Variants in FAM91A1 observed in about 807,000 individuals in gnomAD.
FAM91A1 encodes protein FAM91A1.
Under a neutral mutation model 113.5 loss-of-function variants are expected in FAM91A1, and 41 were observed. The ratio of observed to expected loss-of-function variants is 0.36; its 90% confidence interval spans 0.28 to 0.47. The LOEUF is 0.47. FAM91A1 is among the 20% of genes least tolerant of loss of function. The pLI is 1.00. For synonymous variants in FAM91A1, 307 were observed against 347.9 expected, an observed-to-expected ratio of 0.88 and a Z score of 1.31; for missense variants, 696 against 1,001.2, an observed-to-expected ratio of 0.70 and a Z score of 4.11.
At chr8:123,793,847 G>T (rs977860364) in intron 15 of FAM91A1, among the ~76,000 whole-genome samples, 14 of 152,172 alleles carry the variant, frequency 9.2e-5, no homozygotes, top group Non-Finnish European at 1.6e-4. Flanking sequence ...GGAGGATATA[G>T]CTACCTTGCT....
Position 123,784,596 on chromosome 8 carries a change from A to C in FAM91A1, c.810+20A>C. 2.7e-4 allele frequency: 410 copies of C among 1,503,632 alleles called. No individual in the cohort carries two copies. The highest frequency in any genetic ancestry group is 3.4e-4 in the Non-Finnish European group (371 of 1,096,114). The allele number at this position is 1,503,632 out of a possible 1,614,324, so 93.1% of individuals were successfully genotyped here. A position where few individuals can be genotyped will look rare whatever the true frequency, so the allele number is the denominator to read the frequency against. ...GCAGAGGTAAGTTTGACAACGTCTCATGAAAATATAATCTCAAGATTGTAA... is the reference window on the plus strand; with the variant it reads ...GCAGAGGTAAGTTTGACAACGTCTCCTGAAAATATAATCTCAAGATTGTAA... On this transcript the variant is annotated intron_variant, in intron 9 of 23. Transcript: ENST00000334705.
chr8:123,808,932 G>A lies in FAM91A1; in HGVS notation c.2177G>A (p.Cys726Tyr), dbSNP rs1815880409. 6.2e-7 allele frequency: 1 copy of A among 1,612,312 alleles called. No individual in the cohort carries two copies. Among genetic ancestry groups the A allele is most frequent in the Non-Finnish European group, 8.5e-7 (1 of 1,179,280 alleles). ...GCAGATTGGGTTCCTCTCGAGCTGT[G>A]CTTTGGAATTCCACTGTTCAGTTCC... ...TEADWVPLEL[C>Y]FGIPLFSSEL... Residue 726 changes from cysteine to tyrosine, a missense_variant, in exon 22 of 24, where the codon TGC (cysteine) becomes TAC (tyrosine). Transcript: ENST00000334705.
chr8:123,790,039 A>T (rs1272913490), intron 15 of FAM91A1, among the ~76,000 whole-genome samples: 3 of 152,222 alleles, frequency 2.0e-5, no homozygotes, highest in Admixed American at 6.5e-5. Context: ...AACAGGCATC[A>T]GCTCTGAGGG....
rs1816019395 is a variant in FAM91A1, at chr8:123,814,174, C to T, written c.*1470C>T. The T allele has an allele frequency of 2.5e-6, 1 of 399,564 alleles. No homozygotes were observed. Among genetic ancestry groups the T allele is most frequent in the African/African-American group, 2.2e-5 (1 of 45,994 alleles). The allele number at this position is 399,564 out of a possible 1,614,324, so 24.8% of individuals were successfully genotyped here. On this transcript the variant is annotated 3_prime_UTR_variant, in exon 24 of 24. Coordinates refer to ENST00000334705, the MANE Select transcript of FAM91A1 (RefSeq NM_144963.4). ...TACTTTGTCTTATAGAAGGTAGAAA[C>T]CATGTGTATGTTATGTTTGTCTATA...
At chr8:123,777,930 G>A in intron 4 of FAM91A1, 95 bp from the exon 5 acceptor site, 4 of 1,042,866 alleles carry the variant, frequency 3.8e-6, no homozygotes, top group Non-Finnish European at 5.7e-6. Context: ...ATTGAAAGAT[G>A]AAAATAAGCT....
intron 21 of FAM91A1, chr8:123,808,612 A>T: frequency 2.0e-6 from 1 of 505,452 alleles, no homozygotes. Context: ...CATCTTACAG[A>T]TATCTTGCAA....
intron 23 of FAM91A1, chr8:123,811,222 G>A (rs1815945880): frequency 6.6e-6 from 1 of 152,248 alleles, no homozygotes; most frequent in South Asian, 2.1e-4. Flanking sequence ...CATGAAAGAG[G>A]GGTAGAAGCA....
chr8:123,779,871 A>G, intron 6 of FAM91A1, 114 bp from the exon 7 acceptor site: 1 of 789,664 alleles, frequency 1.3e-6, no homozygotes, highest in Non-Finnish European at 2.0e-6. Flanking sequence ...ATAAATATGT[A>G]GTTCATTGAG....
chr8:123,775,048 C>CT (rs1195878410), intron 2 of FAM91A1, 99 bp from the exon 3 acceptor site: 2 of 1,139,646 alleles, frequency 1.8e-6, no homozygotes, highest in Admixed American at 6.3e-5. Context: ...AATTTACATA[C>CT]TTTTCTTTTA....
At chr8:123,812,399 GTACT>G in intron 23 of FAM91A1, 116 bp from the exon 24 acceptor site, 5 of 776,530 alleles carry the variant, frequency 6.4e-6, no homozygotes, top group South Asian at 2.1e-5. Context: ...TGCATCTCCT[GTACT>G]GCTTTGCAAT....
chr8:123,805,183 A>T, intron 18 of FAM91A1, 84 bp from the exon 19 acceptor site: 3 of 1,100,068 alleles, frequency 2.7e-6, no homozygotes, highest in Non-Finnish European at 4.0e-6. Context: ...ATACCATTAC[A>T]TGACACAATC....
chr8:123,787,737 T>C lies in FAM91A1; in HGVS notation c.1265T>C (p.Ile422Thr), dbSNP rs757296035. Reference protein sequence around the residue: ...LSDESLDSFLIELEKVQSTGE... With the variant: ...LSDESLDSFLTELEKVQSTGE... ...GATGAGTCTCTGGACAGCTTTCTTA[T>C]AGAACTAGAAAAGGTAAATGTAGAT... The change falls in exon 14 of 24, where the codon ATA becomes ACA. Residue 422 changes from isoleucine (I) to threonine (T), a missense_variant. By Grantham distance (89) the Ile-to-Thr change is moderately conservative. Transcript: ENST00000334705. The C allele has an allele frequency of 1.2e-5, 20 of 1,612,014 alleles. No homozygotes were observed. Among genetic ancestry groups the C allele is most frequent in the Middle Eastern group, 1.6e-4 (1 of 6,072 alleles).
In FAM91A1 at chr8:123,810,565, T is replaced by G. The variant is rs1387197598; in HGVS notation, c.2331+214T>G. The G allele has an allele frequency of 9.7e-6, 6 of 620,970 alleles. No individual in the cohort carries two copies. The East Asian group carries it at 1.7e-4, about 18-fold the overall frequency. The allele number at this position is 620,970 out of a possible 1,614,324, so 38.5% of individuals were successfully genotyped here. A position where few individuals can be genotyped will look rare whatever the true frequency, so the allele number is the denominator to read the frequency against. On this transcript the variant is annotated intron_variant, in intron 23 of 23. Coordinates refer to ENST00000334705, the MANE Select transcript of FAM91A1 (RefSeq NM_144963.4). ...ACCAAAGCTTGATCTCTTTGTTCTG[T>G]GCCAGTGCTTTATTCAACAGAAATG...
intron 15 of FAM91A1, among the ~76,000 whole-genome samples, chr8:123,790,865 A>G (rs1487211055): frequency 6.6e-6 from 1 of 152,232 alleles, no homozygotes; most frequent in African/African-American, 2.4e-5. Context: ...AAAACTGAGA[A>G]TATTAAATTG....
intron 15 of FAM91A1, among the ~76,000 whole-genome samples, chr8:123,796,120 G>C (rs1040396764): frequency 2.6e-5 from 4 of 152,168 alleles, no homozygotes; most frequent in African/African-American, 9.7e-5. Context: ...GCATTGAAGT[G>C]ATCTACTTGC....
intron 9 of FAM91A1, chr8:123,784,796 G>T: frequency 2.4e-6 from 1 of 424,668 alleles, no homozygotes; most frequent in South Asian, 4.3e-5. Flanking sequence ...ATGACTTTTT[G>T]TACTAAAGTA....
At chr8:123,799,992 A>C (rs953326613) in intron 18 of FAM91A1, 107 bp downstream of exon 18, 39 of 951,136 alleles carry the variant, frequency 4.1e-5, no homozygotes, top group Non-Finnish European at 5.8e-5. Context: ...AAATTTATGA[A>C]GTTGAAATGT....
intron 6 of FAM91A1, 68 bp downstream of exon 6, chr8:123,778,840 G>A (rs1186172599): frequency 8.7e-6 from 9 of 1,040,024 alleles, no homozygotes; most frequent in Non-Finnish European, 1.2e-5. Flanking sequence ...TTTAATTATA[G>A]CTTATAATTT....
intron 18 of FAM91A1, 133 bp downstream of exon 18, chr8:123,800,018 T>A: frequency 1.3e-6 from 1 of 783,422 alleles, no homozygotes; most frequent in Non-Finnish European, 1.9e-6. Flanking sequence ...ATCAGAGATA[T>A]GGATTTTAGT....
Sources: gnomAD v4.1 joint callset for allele counts (sites outside exome capture counted in the v4.1 genomes callset) on GRCh38, gnomAD v4.1.1 for gene constraint, MANE v1.5 for transcripts, NCBI Gene and HGNC (gene_info 2026-07-23, HGNC 2026-07-21) for gene names.